Variants in VPS33A observed in about 807,000 individuals in gnomAD.
The protein encoded by VPS33A is vacuolar protein sorting-associated protein 33A.
In VPS33A, 32 loss-of-function variants were observed where a neutral mutation model predicts 71.8. The ratio of observed to expected loss-of-function variants is 0.45; its 90% confidence interval spans 0.34 to 0.60. The LOEUF (loss-of-function observed/expected upper bound fraction) is 0.60, where lower values mean the gene tolerates loss of function less well. Among genes scored for constraint, VPS33A ranks in the 20% least tolerant of loss-of-function variants. The probability of loss-of-function intolerance (pLI) is 0.02; values close to 1 mark genes in which losing one functional copy is unlikely to be tolerated. For missense variants in VPS33A, 625 were observed against 748.5 expected (o/e 0.84, Z 1.92); for synonymous variants, 311 against 292.7 (o/e 1.06, Z -0.64).
intron 9 of VPS33A, among the ~76,000 whole-genome samples, chr12:122,239,535 C>T (rs745768927): frequency 1.2e-4 from 19 of 152,098 alleles, no homozygotes; most frequent in East Asian, 9.7e-4. Flanking sequence ...GAGATCGAGA[C>T]CATCCTGGCT....
chr12:122,239,136 C>T (rs573871823), intron 9 of VPS33A, among the ~76,000 whole-genome samples: 1 of 152,238 alleles, frequency 6.6e-6, no homozygotes, highest in African/African-American at 2.4e-5. Context: ...TGAGAGGCTA[C>T]CAGATGTCTA....
chr12:122,244,801 T>C, intron 6 of VPS33A, 39 bp from the exon 7 acceptor site: 1 of 1,572,566 alleles, frequency 6.4e-7, no homozygotes. Flanking sequence ...CTGTGTGCAA[T>C]GACTGGAAGA....
chr12:122,246,360 C>T (rs896514197), intron 6 of VPS33A, among the ~76,000 whole-genome samples: 7 of 152,058 alleles, frequency 4.6e-5, no homozygotes, highest in Non-Finnish European at 8.8e-5. Flanking sequence ...AGTGCAGTGG[C>T]GTGATCTCAG....
chr12:122,263,633 T>C lies in VPS33A; in HGVS notation c.235A>G (p.Ile79Val), dbSNP rs763166511. 4.3e-6 allele frequency: 7 copies of C among 1,613,366 alleles called. No homozygotes were observed. The highest frequency in any genetic ancestry group is 2.2e-5 in the East Asian group (1 of 44,876). Reference sequence around the variant, plus strand: ...AGCCTGGGTCTGACAAAAAAAATTATATTCTTCACATCAGCTGCCGGCAAA... The same window carrying C: ...AGCCTGGGTCTGACAAAAAAAATTACATTCTTCACATCAGCTGCCGGCAAA... ...NRLPAADVKN[I>V]IFFVRPRLEL... Residue 79 changes from isoleucine (I) to valine (V), a missense_variant, in exon 3 of 13, where the codon ATA (isoleucine) becomes GTA (valine). Transcript: ENST00000267199.
At chr12:122,264,029 A>C in intron 2 of VPS33A, 105 bp downstream of exon 2, 1 of 1,058,006 alleles carries the variant, frequency 9.5e-7, no homozygotes, top group Non-Finnish European at 1.4e-6. Flanking sequence ...ATAAAGACCA[A>C]ACAGCTTTGC....
At chr12:122,259,187 G>GTGTA (rs71082954) in intron 4 of VPS33A, among the ~76,000 whole-genome samples, 69,009 of 144,378 alleles carry the variant, frequency 0.48, 17,034 homozygotes, top group Non-Finnish European at 0.54. Context: ...GTATGTATGT[G>GTGTA]TGTATGTATG....
chr12:122,263,999 G>A (rs966946497), intron 2 of VPS33A, 135 bp downstream of exon 2: 4 of 743,022 alleles, frequency 5.4e-6, no homozygotes, highest in African/African-American at 1.7e-5. Context: ...AATGTTAATC[G>A]GGCACTAGTA....
chr12:122,260,289 T>TTTTTTTG (rs200245127), intron 4 of VPS33A, among the ~76,000 whole-genome samples: 4 of 151,848 alleles, frequency 2.6e-5, no homozygotes, highest in East Asian at 3.9e-4. Context: ...TGTGAGTTTT[T>TTTTTTTG]TTTTTTGTTT....
intron 11 of VPS33A, among the ~76,000 whole-genome samples, chr12:122,235,248 C>T (rs144051472): frequency 2.0e-5 from 3 of 151,376 alleles, no homozygotes; most frequent in East Asian, 1.9e-4. Context: ...AATGAGCCAC[C>T]GAGCCTGCCC....
At chr12:122,236,054 G>A in intron 10 of VPS33A, 131 bp from the exon 11 acceptor site, 1 of 1,135,668 alleles carries the variant, frequency 8.8e-7, no homozygotes, top group South Asian at 1.6e-5. Flanking sequence ...AGCAATGTTA[G>A]TGGATGGGCA....
At chr12:122,254,243 T>C (rs1440838242) in intron 4 of VPS33A, among the ~76,000 whole-genome samples, 2 of 152,172 alleles carry the variant, frequency 1.3e-5, no homozygotes, top group Non-Finnish European at 2.9e-5. Context: ...ATGTACCTCC[T>C]GAAGCCAATC....
chr12:122,250,684 T>TG (rs1307469515), intron 5 of VPS33A, among the ~76,000 whole-genome samples: 1 of 152,106 alleles, frequency 6.6e-6, no homozygotes. Flanking sequence ...AGTGAGACTG[T>TG]GAAAAGTACA....
At chr12:122,236,300 T>TA (rs975653307) in intron 10 of VPS33A, among the ~76,000 whole-genome samples, 25 of 150,010 alleles carry the variant, frequency 1.7e-4, no homozygotes, top group East Asian at 1.6e-3. Context: ...CAGAATATAT[T>TA]AAAAAAAAAA....
At chr12:122,252,740 A>T (rs1432992805) in intron 4 of VPS33A, 3 of 152,204 alleles carry the variant, frequency 2.0e-5, no homozygotes, top group African/African-American at 7.2e-5. Flanking sequence ...GGCCAGTTAG[A>T]GAATCTCTTT....
At chr12:122,257,069 C>T (rs1954928914) in intron 4 of VPS33A, among the ~76,000 whole-genome samples, 1 of 151,988 alleles carries the variant, frequency 6.6e-6, no homozygotes, top group Non-Finnish European at 1.5e-5. Flanking sequence ...TATCCCCCCA[C>T]CCCAAATTAA....
At chr12:122,245,189 A>C (rs939510637) in intron 6 of VPS33A, among the ~76,000 whole-genome samples, 10 of 152,240 alleles carry the variant, frequency 6.6e-5, no homozygotes, top group African/African-American at 1.9e-4. Context: ...CAACAGTACC[A>C]AAAACAGCAC....
intron 7 of VPS33A, among the ~76,000 whole-genome samples, chr12:122,242,973 T>C (rs2136130769): frequency 6.6e-6 from 1 of 152,230 alleles, no homozygotes; most frequent in South Asian, 2.1e-4. Context: ...AAAAGAAAAG[T>C]ATATATATGA....
chr12:122,256,077 T>A (rs915792784), intron 4 of VPS33A, among the ~76,000 whole-genome samples: 6 of 152,148 alleles, frequency 3.9e-5, no homozygotes, highest in African/African-American at 1.4e-4. Context: ...ATTACGGGCA[T>A]GAACCACTGT....
chr12:122,238,926 T>C lies in VPS33A; in HGVS notation c.1165-202A>G, dbSNP rs1954669051. On this transcript the variant is annotated intron_variant, in intron 9 of 12. Transcript: ENST00000267199. Reference sequence around the variant, plus strand: ...CCCTAACCCTTCCCCGAAATAGCTCTGCTAGCCCCAGCCACACACACACCC... The same window carrying C: ...CCCTAACCCTTCCCCGAAATAGCTCCGCTAGCCCCAGCCACACACACACCC... 2.7e-5 allele frequency among the ~76,000 whole-genome samples: 4 copies of C among 149,826 alleles called. No homozygotes were observed. In the South Asian group the frequency reaches 8.4e-4, roughly 32 times the overall value.
Sources: allele counts gnomAD v4.1 joint callset (sites outside exome capture counted in the v4.1 genomes callset), GRCh38; gene constraint gnomAD v4.1.1; transcripts MANE v1.5; gene names NCBI Gene and HGNC (gene_info 2026-07-23, HGNC 2026-07-21).